DGKI: variants seen among roughly 807,000 people sequenced by gnomAD.
DGKI encodes the protein DAG kinase iota.
Under a neutral mutation model 147.5 loss-of-function variants are expected in DGKI, and 55 were observed. The observed-to-expected ratio is 0.37, with a 90% CI of 0.30 to 0.47. The LOEUF is 0.47. Ranked by LOEUF, DGKI falls within the 20% of genes least tolerant of loss-of-function variation. The probability of loss-of-function intolerance (pLI) is 1.00; values close to 1 mark genes in which losing one functional copy is unlikely to be tolerated. For synonymous variants in DGKI, 469 were observed against 477.1 expected (o/e 0.98, Z 0.22); for missense variants, 1,007 against 1,323.8 (o/e 0.76, Z 3.71).
At chr7:137,703,706 G>C (rs908962192) in intron 1 of DGKI, among the ~76,000 whole-genome samples, 1 of 152,136 alleles carries the variant, frequency 6.6e-6, no homozygotes, top group Admixed American at 6.5e-5. Flanking sequence ...CAACAAACAA[G>C]CAGCAATGAC....
chr7:137,745,754 A>G (rs762096624), intron 1 of DGKI, among the ~76,000 whole-genome samples: 3 of 152,196 alleles, frequency 2.0e-5, no homozygotes, highest in African/African-American at 7.2e-5. Context: ...CAGTGAATAG[A>G]TGAGAGTTCT....
At chr7:137,395,005 C>T (rs1437638312) in intron 32 of DGKI, among the ~76,000 whole-genome samples, 1 of 152,150 alleles carries the variant, frequency 6.6e-6, no homozygotes, top group African/African-American at 2.4e-5. Context: ...AATTCCCATG[C>T]TATCTAGTAC....
At chr7:137,636,962 C>G (rs1490792718) in intron 6 of DGKI, among the ~76,000 whole-genome samples, 3 of 152,196 alleles carry the variant, frequency 2.0e-5, no homozygotes, top group Non-Finnish European at 4.4e-5. Context: ...CTTGTACAGC[C>G]TGCAGAACTG....
chr7:137,802,813 A>G (rs1268236028), intron 1 of DGKI, among the ~76,000 whole-genome samples: 1 of 152,226 alleles, frequency 6.6e-6, no homozygotes, highest in Non-Finnish European at 1.5e-5. Context: ...TGGCTGTTCC[A>G]ACTGCACATC....
At chr7:137,565,002 G>A (rs10277872) in intron 19 of DGKI, among the ~76,000 whole-genome samples, 8,822 of 152,180 alleles carry the variant, frequency 0.058, 622 homozygotes, top group African/African-American at 0.17. Context: ...TAAACAGTAT[G>A]ACATTTCTAA....
intron 23 of DGKI, 117 bp from the exon 24 acceptor site, chr7:137,469,736 T>C (rs1814808045): frequency 6.7e-6 from 5 of 745,758 alleles, no homozygotes; most frequent in Non-Finnish European, 1.0e-5. Flanking sequence ...GCAAATCACA[T>C]TTTTTTTTCT....
At chr7:137,826,528 TAGAC>T (rs765393805) in intron 1 of DGKI, among the ~76,000 whole-genome samples, 7 of 152,356 alleles carry the variant, frequency 4.6e-5, no homozygotes, top group African/African-American at 7.2e-5. Flanking sequence ...GTAACAGTGT[TAGAC>T]AGTAACACAG....
intron 2 of DGKI, among the ~76,000 whole-genome samples, chr7:137,681,770 G>A (rs1289600064): frequency 6.6e-6 from 1 of 152,250 alleles, no homozygotes; most frequent in Non-Finnish European, 1.5e-5. Context: ...AAAGCAATGA[G>A]CTTTCAGCTC....
chr7:137,396,678 C>T (rs1811566741), intron 31 of DGKI, among the ~76,000 whole-genome samples: 1 of 152,182 alleles, frequency 6.6e-6, no homozygotes, highest in African/African-American at 2.4e-5. Flanking sequence ...TAGCTACTCA[C>T]CACCTCATTC....
In DGKI at chr7:137,382,137, T is replaced by C. The variant is rs963025816; in HGVS notation, c.*9083A>G. The C allele has an allele frequency of 6.6e-6, 1 of 152,088 alleles. No individual in the cohort carries two copies. The highest frequency in any genetic ancestry group is 2.4e-5 in the African/African-American group (1 of 41,432). 9.4% of individuals were successfully genotyped at this position (152,088 alleles called of 1,614,324 possible). ...CTATAAATTTGAAATTACCTATAAA[T>C]TTGAAACAAAAAATAGGGTAAACTG... On this transcript the variant is annotated 3_prime_UTR_variant, in exon 33 of 33. Transcript: ENST00000614521.
In DGKI at chr7:137,597,877, C is replaced by T; in HGVS notation, c.1281G>A (p.Leu427=). 6.2e-7 allele frequency: 1 copy of T among 1,613,920 alleles called. No homozygotes were observed. Among genetic ancestry groups the T allele is most frequent in the Non-Finnish European group, 8.5e-7 (1 of 1,179,918 alleles). ...CATCCCCACCACAGGCCAGAATTCG[C>T]AGATTTGGTACTTTCCTATACAATT... ...ALELYRKVPN[L]RILACGGDGT... Residue 427 remains leucine, a synonymous_variant, in exon 12 of 33, where the codon CTG becomes CTA. Transcript: ENST00000614521.
chr7:137,535,834 AG>A (rs1464963028), intron 20 of DGKI, among the ~76,000 whole-genome samples: 3 of 152,178 alleles, frequency 2.0e-5, no homozygotes, highest in African/African-American at 7.2e-5. Flanking sequence ...ATAAGAACAC[AG>A]GAACGATTCC....
intron 6 of DGKI, among the ~76,000 whole-genome samples, chr7:137,635,909 A>G (rs943748192): frequency 2.0e-5 from 3 of 152,222 alleles, no homozygotes; most frequent in Non-Finnish European, 4.4e-5. Flanking sequence ...TCTAAATCCC[A>G]TGACGGTGAA....
intron 21 of DGKI, among the ~76,000 whole-genome samples, chr7:137,488,492 A>G (rs1475317533): frequency 6.6e-6 from 1 of 152,128 alleles, no homozygotes; most frequent in East Asian, 1.9e-4. Flanking sequence ...GTCCTGAAAT[A>G]CTGAAAAATA....
chr7:137,765,786 G>A lies in DGKI; in HGVS notation c.402-75784C>T, dbSNP rs531152700. ...TCTAAGGACAGGCAGCATACGATAC[G>A]GAGGCCTCCCGGAATCCTGCAGCCC... On this transcript the variant is annotated intron_variant, in intron 1 of 32. Transcript: ENST00000614521. 5.9e-5 allele frequency among the ~76,000 whole-genome samples: 9 copies of A among 152,212 alleles called. No homozygotes were observed. The South Asian group carries it at 1.5e-3, about 25-fold the overall frequency.
intron 7 of DGKI, among the ~76,000 whole-genome samples, chr7:137,623,080 G>T (rs371942776): frequency 2.6e-5 from 4 of 152,160 alleles, no homozygotes; most frequent in Non-Finnish European, 4.4e-5. Flanking sequence ...CTGTGTTGGA[G>T]GGACCTCTTA....
At chr7:137,718,158 C>T (rs940829148) in intron 1 of DGKI, among the ~76,000 whole-genome samples, 1 of 152,170 alleles carries the variant, frequency 6.6e-6, no homozygotes, top group African/African-American at 2.4e-5. Context: ...CTGAGAACAA[C>T]AGCAGTGAGC....
chr7:137,423,024 AT>A (rs934922807), intron 28 of DGKI, among the ~76,000 whole-genome samples: 1 of 151,992 alleles, frequency 6.6e-6, no homozygotes, highest in African/African-American at 2.4e-5. Flanking sequence ...AATGCAAGAG[AT>A]TTTTTTTAAG....
chr7:137,474,465 T>C (rs749178263), intron 23 of DGKI, among the ~76,000 whole-genome samples: 9 of 152,122 alleles, frequency 5.9e-5, no homozygotes, highest in Non-Finnish European at 1.0e-4. Context: ...GCTGAAAATA[T>C]ATCTCAAAGA....
Sources: gnomAD v4.1 joint callset for allele counts (sites outside exome capture counted in the v4.1 genomes callset) on GRCh38, gnomAD v4.1.1 for gene constraint, MANE v1.5 for transcripts, NCBI Gene and HGNC (gene_info 2026-07-23, HGNC 2026-07-21) for gene names.